Variants in AFG1L observed in about 807,000 individuals in gnomAD.
AFG1L encodes the protein AFG1-like ATPase.
Under a neutral mutation model 62.2 loss-of-function variants are expected in AFG1L, and 53 were observed. The ratio of observed to expected loss-of-function variants is 0.85; its 90% CI spans 0.68 to 1.07. The LOEUF is 1.07. Ranked by LOEUF, AFG1L falls within the 50% of genes least tolerant of loss-of-function variation. The pLI is 0.00. For missense variants in AFG1L, 555 were observed against 590.5 expected (o/e 0.94, Z 0.62); for synonymous variants, 228 against 210.3 (o/e 1.08, Z -0.73).
intron 7 of AFG1L, among the ~76,000 whole-genome samples, chr6:108,434,606 C>T (rs987995808): frequency 7.9e-5 from 12 of 152,144 alleles, no homozygotes; most frequent in Admixed American, 1.3e-4. Context: ...CAGTTTTCTT[C>T]CCCCCTCCAT....
intron 10 of AFG1L, among the ~76,000 whole-genome samples, chr6:108,505,025 AC>A (rs1451601087): frequency 6.6e-6 from 1 of 151,950 alleles, no homozygotes; most frequent in Non-Finnish European, 1.5e-5. Flanking sequence ...CCTCTCATGG[AC>A]TTTAGCCAGA....
chr6:108,398,859 A>G (rs979644264), intron 6 of AFG1L, among the ~76,000 whole-genome samples: 4 of 152,228 alleles, frequency 2.6e-5, no homozygotes, highest in Non-Finnish European at 4.4e-5. Flanking sequence ...GCTTTGTAGT[A>G]TAGTGTGAAG....
At chr6:108,381,141 T>C (rs1422780674) in intron 6 of AFG1L, among the ~76,000 whole-genome samples, 2 of 152,236 alleles carry the variant, frequency 1.3e-5, no homozygotes, top group East Asian at 3.9e-4. Context: ...GACAATCTGG[T>C]TAAGGCTCTT....
intron 7 of AFG1L, among the ~76,000 whole-genome samples, chr6:108,446,568 G>A (rs974679305): frequency 6.1e-5 from 9 of 146,728 alleles, no homozygotes; most frequent in African/African-American, 1.8e-4. Flanking sequence ...GCAGTGGCAC[G>A]ATCATAGCTC....
At chr6:108,461,910 C>A (rs1459331397) in intron 8 of AFG1L, among the ~76,000 whole-genome samples, 1 of 152,014 alleles carries the variant, frequency 6.6e-6, no homozygotes, top group Non-Finnish European at 1.5e-5. Context: ...CTGGCTAACA[C>A]GTTGAAACCC....
rs189193739 is a variant in AFG1L at position 108,339,037 on chromosome 6, T to A, written c.364-7951T>A. On this transcript the variant is annotated intron_variant, in intron 2 of 12. Coordinates refer to ENST00000368977, the MANE Select transcript of AFG1L (RefSeq NM_145315.5). ...GCCATGATGGTATTTCATTAATATT[T>A]TAAATCTTACCTCTTGTATTGTGAA... Among the ~76,000 whole-genome samples, 734 of 152,360 alleles carry A rather than the reference T, an allele frequency of 4.8e-3. 3 individuals are homozygous for A. Among genetic ancestry groups the A allele is most frequent in the Non-Finnish European group, 6.7e-3 (454 of 68,040 alleles).
At chr6:108,396,839 G>C (rs540331880) in intron 6 of AFG1L, among the ~76,000 whole-genome samples, 1 of 151,920 alleles carries the variant, frequency 6.6e-6, no homozygotes, top group South Asian at 2.1e-4. Context: ...TTTGGTACAG[G>C]TATGAGATTA....
chr6:108,376,103 G>C (rs916355958), intron 6 of AFG1L, among the ~76,000 whole-genome samples: 1 of 152,126 alleles, frequency 6.6e-6, no homozygotes. Flanking sequence ...GTGCATAGAG[G>C]TGTTCATATT....
chr6:108,442,660 A>T (rs1489489294), intron 7 of AFG1L, among the ~76,000 whole-genome samples: 4 of 152,158 alleles, frequency 2.6e-5, no homozygotes, highest in African/African-American at 9.7e-5. Context: ...CTTGGGTGTT[A>T]TTTTATGCTA....
intron 10 of AFG1L, among the ~76,000 whole-genome samples, chr6:108,483,745 C>T (rs148379821): frequency 3.3e-5 from 5 of 152,290 alleles, no homozygotes; most frequent in Admixed American, 2.0e-4. Context: ...CATGGGTGTA[C>T]GCATTGCTCA....
intron 1 of AFG1L, among the ~76,000 whole-genome samples, chr6:108,308,894 A>G (rs374061990): frequency 1.5e-4 from 23 of 152,156 alleles, no homozygotes; most frequent in Middle Eastern, 6.8e-3. Context: ...TTTAGTAGAG[A>G]TGGGGTTTCA....
At chr6:108,409,931 T>C (rs1782026088) in intron 7 of AFG1L, among the ~76,000 whole-genome samples, 1 of 152,172 alleles carries the variant, frequency 6.6e-6, no homozygotes, top group Non-Finnish European at 1.5e-5. Flanking sequence ...AAGAAAACTT[T>C]CATGAAAGAA....
intron 10 of AFG1L, among the ~76,000 whole-genome samples, chr6:108,505,338 C>G (rs759981546): frequency 6.6e-6 from 1 of 152,116 alleles, no homozygotes; most frequent in Non-Finnish European, 1.5e-5. Context: ...GTGTTCCACT[C>G]GCCTCGGCCT....
chr6:108,354,023 A>G (rs1779175729), intron 3 of AFG1L, among the ~76,000 whole-genome samples: 2 of 152,190 alleles, frequency 1.3e-5, no homozygotes, highest in South Asian at 2.1e-4. Flanking sequence ...AGGAATTACT[A>G]GACAGGAAGT....
intron 8 of AFG1L, 44 bp downstream of exon 8, chr6:108,447,340 C>A: frequency 3.6e-6 from 4 of 1,125,038 alleles, no homozygotes; most frequent in South Asian, 1.3e-5. Context: ...AATCGTTAAT[C>A]AGAAAAAGAA....
At position 108,426,998 on chromosome 6, in the gene AFG1L, G is replaced by A. The variant is rs191416284; in HGVS notation, c.808-20216G>A. ...TTTGTTTTGTTGTAAGTTAATGAGG[G>A]TAATATATATACCTTAGTCTGAGTT... On this transcript the variant is annotated intron_variant, in intron 7 of 12. Coordinates refer to ENST00000368977, the MANE Select transcript of AFG1L (RefSeq NM_145315.5). Among the ~76,000 whole-genome samples the A allele has an allele frequency of 5.3e-5, 8 of 152,206 alleles. No individual in the cohort carries two copies. In the East Asian group the frequency reaches 1.5e-3, roughly 29 times the overall value.
intron 2 of AFG1L, among the ~76,000 whole-genome samples, chr6:108,338,536 T>C (rs946128124): frequency 2.6e-5 from 4 of 152,192 alleles, no homozygotes; most frequent in African/African-American, 9.7e-5. Context: ...GATCTCTCTA[T>C]GTTGTCCAGG....
intron 1 of AFG1L, among the ~76,000 whole-genome samples, chr6:108,314,679 C>T (rs1245452469): frequency 6.6e-6 from 1 of 152,004 alleles, no homozygotes; most frequent in African/African-American, 2.4e-5. Context: ...GGATTACAGG[C>T]GTGAGCCACC....
At chr6:108,444,057 C>CT (rs757971644) in intron 7 of AFG1L, among the ~76,000 whole-genome samples, 51 of 145,242 alleles carry the variant, frequency 3.5e-4, no homozygotes, top group East Asian at 1.4e-3. Flanking sequence ...GAATATCTCC[C>CT]ATCTATCTAT....
Sources: gnomAD v4.1 joint callset for allele counts (sites outside exome capture counted in the v4.1 genomes callset) on GRCh38, gnomAD v4.1.1 for gene constraint, MANE v1.5 for transcripts, NCBI Gene and HGNC (gene_info 2026-07-23, HGNC 2026-07-21) for gene names.